The following NRL variants were observed in gnomAD, a reference collection of about 807,000 sequenced individuals.
NRL encodes neural retina leucine zipper, also known as neural retina-specific leucine zipper protein.
Under a neutral mutation model 12.5 loss-of-function variants are expected in NRL, and 16 were observed. The observed-to-expected ratio is 1.28, with a 90% confidence interval of 0.87 to 1.95. The LOEUF is 1.95. NRL is among the 30% of genes most tolerant of loss of function. The pLI is 0.00. For missense variants in NRL, 314 were observed against 325.8 expected (o/e 0.96, Z 0.28); for synonymous variants, 142 against 150.9 (o/e 0.94, Z 0.43).
At chr14:24,103,081 C>A (rs1461351441) in intron 1 of NRL, 5 of 1,262,990 alleles carry the variant, frequency 4.0e-6, no homozygotes, top group Non-Finnish European at 5.8e-6. Flanking sequence ...AGAGAGAGTA[C>A]CAGTCAAGCT....
intron 1 of NRL, chr14:24,099,694 T>G (rs772944966): frequency 1.1e-5 from 17 of 1,613,948 alleles, no homozygotes; most frequent in Admixed American, 3.3e-5. Context: ...GGGGATGATA[T>G]TGCTTGGATG....
Position 24,094,671 on chromosome 14 carries a change from C to T in NRL, c.-27-11796G>A, listed in dbSNP as rs1444403073. On this transcript the variant is annotated intron_variant, in intron 1 of 2. Transcript: ENST00000561028. This position sits in a 1 kb window ranked among gnomAD's most constrained non-coding sequence, Gnocchi z 4.1. ...CCTTCTCTGCCTCGCTCGCCTCTGA[C>T]CGCGCGATCTCTATCTGCCACTCTC... 2.0e-6 allele frequency: 3 copies of T among 1,514,996 alleles called. No homozygotes were observed. The East Asian group carries it at 7.4e-5, about 38-fold the overall frequency. 93.8% of individuals were successfully genotyped at this position (1,514,996 alleles called of 1,614,324 possible).
chr14:24,111,657 G>A (rs1332523103), intron 1 of NRL, among the ~76,000 whole-genome samples: 2 of 152,024 alleles, frequency 1.3e-5, no homozygotes, highest in South Asian at 2.1e-4. Context: ...GTGAGCCACC[G>A]CGCCCGGCCA....
At chr14:24,090,281 GCA>G (rs2036584498) in intron 1 of NRL, among the ~76,000 whole-genome samples, 2 of 16,196 alleles carry the variant, frequency 1.2e-4, no homozygotes, top group South Asian at 1.7e-3. Flanking sequence ...GGGGGGGGGG[GCA>G]CGGGGGGGGA....
In NRL at chr14:24,088,840, C is replaced by T. The variant is rs868031472; in HGVS notation, c.-27-5965G>A. Among the ~76,000 whole-genome samples, 8 of 142,348 alleles carry T rather than the reference C, an allele frequency of 5.6e-5. 1 individual carries two copies. The highest frequency in any genetic ancestry group is 4.6e-4 in the South Asian group (2 of 4,368). The allele number at this position is 142,348 out of a possible 152,430, so 93.4% of individuals were successfully genotyped here. On this transcript the variant is annotated intron_variant, in intron 1 of 2. Coordinates refer to ENST00000561028, the MANE Select transcript of NRL (RefSeq NM_001354768.3). ...TTTTTTTTTTTCACAGAGTCTTGCTCTGTCCCCCAGGCTGGAGGGCAGTGG... is the reference window on the plus strand; with the variant it reads ...TTTTTTTTTTTCACAGAGTCTTGCTTTGTCCCCCAGGCTGGAGGGCAGTGG...
At chr14:24,095,269 C>T in intron 1 of NRL, 1 of 453,906 alleles carries the variant, frequency 2.2e-6, no homozygotes, top group South Asian at 1.6e-5. Flanking sequence ...GGGGGCTTCA[C>T]AAGAGATAAC....
intron 1 of NRL, chr14:24,098,433 C>T (rs2036998734): frequency 6.2e-7 from 1 of 1,612,566 alleles, no homozygotes; most frequent in Admixed American, 1.7e-5. Flanking sequence ...AAGATGTGAA[C>T]AGGTTTGGAA....
chr14:24,098,998 C>T (rs1404938515), intron 1 of NRL: 1 of 1,436,854 alleles, frequency 7.0e-7, no homozygotes, highest in Non-Finnish European at 9.6e-7. Flanking sequence ...GGCCCCGACA[C>T]CCCAGTTCCT....
Position 24,090,755 on chromosome 14 carries a change from G to A in NRL, c.-27-7880C>T, listed in dbSNP as rs150867328. 2.4e-3 allele frequency among the ~76,000 whole-genome samples: 365 copies of A among 152,326 alleles called. 3 individuals are homozygous for A. The highest frequency in any genetic ancestry group is 4.0e-3 in the Non-Finnish European group (273 of 68,030). ...GCCAGCTGGTGGGCCAGGCTCTCCC[G>A]GCAGGGAACTAAAGAAAAGTGTGTG... On this transcript the variant is annotated intron_variant, in intron 1 of 2. Transcript: ENST00000561028.
At chr14:24,093,309 A>C (rs767412702) in intron 1 of NRL, 1 of 152,320 alleles carries the variant, frequency 6.6e-6, no homozygotes. Context: ...ATGGAGGTAT[A>C]GCTTGAGAAA....
At chr14:24,106,093 G>A (rs1292140387) in intron 1 of NRL, among the ~76,000 whole-genome samples, 1 of 152,174 alleles carries the variant, frequency 6.6e-6, no homozygotes, top group Non-Finnish European at 1.5e-5. Flanking sequence ...ACAGTTTAGA[G>A]TAGCCTAAAT....
At chr14:24,098,355 C>T (rs1301058661) in intron 1 of NRL, 1 of 1,613,440 alleles carries the variant, frequency 6.2e-7, no homozygotes, top group Non-Finnish European at 8.5e-7. Flanking sequence ...TTCCAGCGAG[C>T]TGTGGATGAG....
At position 24,094,284 on chromosome 14, in the gene NRL, T is replaced by G; in HGVS notation, c.-27-11409A>C. 41 of 960,628 alleles carry G rather than the reference T, an allele frequency of 4.3e-5. No homozygotes were observed. The highest frequency in any genetic ancestry group is 5.9e-5 in the Non-Finnish European group (38 of 643,434). The allele number at this position is 960,628 out of a possible 1,614,324, so 59.5% of individuals were successfully genotyped here. On this transcript the variant is annotated intron_variant, in intron 1 of 2. Coordinates refer to ENST00000561028, the MANE Select transcript of NRL (RefSeq NM_001354768.3). The surrounding 1 kb of genome is among the most constrained non-coding windows in gnomAD (Gnocchi z 4.1). ...CGCCCCCGCGCCTGCCCCCCTCCTT[T>G]TTAAGCGCCTCCCGCCAGCCTCTGC...
chr14:24,096,239 T>C (rs1433486049), intron 1 of NRL, among the ~76,000 whole-genome samples: 2 of 130,746 alleles, frequency 1.5e-5, no homozygotes, highest in Non-Finnish European at 3.2e-5. Context: ...TTTTTTTTTT[T>C]TTTTTTTTTT....
At position 24,094,003 on chromosome 14, in the gene NRL, T is replaced by C. The variant is rs4982856; in HGVS notation, c.-27-11128A>G. On this transcript the variant is annotated intron_variant, in intron 1 of 2. Transcript: ENST00000561028. This position sits in a 1 kb window ranked among gnomAD's most constrained non-coding sequence, Gnocchi z 4.1. ...CCTCGTTCCTAGCTTGTTTGCCACCTAGTGTCTCTCCCGGGAGCAAGAGTC... is the reference window on the plus strand; with the variant it reads ...CCTCGTTCCTAGCTTGTTTGCCACCCAGTGTCTCTCCCGGGAGCAAGAGTC... The C allele has an allele frequency of 0.59, 299,574 of 510,064 alleles. 93,983 individuals carry two copies. The highest frequency in any genetic ancestry group is 0.67 in the Non-Finnish European group (196,020 of 291,454). The allele number at this position is 510,064 out of a possible 1,614,324, so 31.6% of individuals were successfully genotyped here.
At position 24,082,799 on chromosome 14, in the gene NRL, T is replaced by G. The variant is rs754284027; in HGVS notation, c.50A>C (p.Asp17Ala). 2 of 1,614,082 alleles carry G rather than the reference T, an allele frequency of 1.2e-6. No individual in the cohort carries two copies. The highest frequency in any genetic ancestry group is 2.2e-5 in the South Asian group (2 of 91,084). Reference sequence around the variant, plus strand: ...CCGCTTTACCTCAAACTTCATCAAGTCAAAGTCATTGACATATTCCATGGC... The same window carrying G: ...CCGCTTTACCTCAAACTTCATCAAGGCAAAGTCATTGACATATTCCATGGC... ...PLAMEYVNDFDLMKFEVKREP... is the reference protein window; with the variant it reads ...PLAMEYVNDFALMKFEVKREP... Residue 17 changes from aspartate (D) to alanine (A), a missense_variant, in exon 2 of 3, where the codon GAC (aspartate) becomes GCC (alanine). By Grantham distance (126) the Asp-to-Ala change is moderately radical. Coordinates refer to ENST00000561028, the MANE Select transcript of NRL (RefSeq NM_001354768.3).
At chr14:24,111,337 C>T (rs1481130782) in intron 1 of NRL, among the ~76,000 whole-genome samples, 4 of 149,860 alleles carry the variant, frequency 2.7e-5, no homozygotes, top group Admixed American at 6.6e-5. Context: ...GATCAACTAC[C>T]GGAAGAGGCA....
intron 1 of NRL, among the ~76,000 whole-genome samples, chr14:24,084,336 G>A (rs2036410934): frequency 6.6e-6 from 1 of 152,232 alleles, no homozygotes. Context: ...TACAGAAGGA[G>A]TAGTGGGGAA....
rs189141423 is a variant in NRL at position 24,081,548 on chromosome 14, G to T, written c.402C>A (p.Asp134Glu). ...QHVQLAERFSDAALVSMSVRE... is the reference protein window; with the variant it reads ...QHVQLAERFSEAALVSMSVRE... ...GCACAGACATCGAGACCAGCGCCGC[G>T]TCGGAAAACCGCTCTGCCAGCTGCG... Residue 134 changes from aspartate to glutamate, a missense_variant, in exon 3 of 3, where the codon GAC (aspartate) becomes GAA (glutamate). By Grantham distance (45) the Asp-to-Glu change is conservative. Transcript: ENST00000561028. This position sits in a 1 kb window ranked among gnomAD's most constrained non-coding sequence, Gnocchi z 4.4. 2 of 1,601,724 alleles carry T rather than the reference G, an allele frequency of 1.2e-6. No homozygotes were observed. The highest frequency in any genetic ancestry group is 2.7e-5 in the African/African-American group (2 of 74,798).
Sources: gnomAD v4.1 joint callset for allele counts (sites outside exome capture counted in the v4.1 genomes callset) on GRCh38, gnomAD v4.1.1 for gene constraint, Gnocchi (gnomAD v3.1) non-coding constraint, MANE v1.5 for transcripts, NCBI Gene and HGNC (gene_info 2026-07-23, HGNC 2026-07-21) for gene names.